Variants in ZNF215 observed in about 807,000 individuals in gnomAD.
ZNF215 encodes BWSCR2-associated zinc finger protein 2.
ZNF215 carries 24 observed loss-of-function variants against 27.2 expected under a neutral mutation model. The observed-to-expected ratio is 0.88, with a 90% CI of 0.64 to 1.24. ZNF215 has a LOEUF of 1.24. Among genes scored for constraint, ZNF215 ranks in the 50% most tolerant of loss-of-function variants. The probability of loss-of-function intolerance (pLI) is 0.00; values close to 1 mark genes in which losing one functional copy is unlikely to be tolerated. For missense variants in ZNF215, 675 were observed against 605.7 expected (o/e 1.11, Z -1.20); for synonymous variants, 210 against 204.0 (o/e 1.03, Z -0.25).
chr11:6,957,160 A>G lies in ZNF215; in HGVS notation c.*629A>G, dbSNP rs977600765. 1 of 985,326 alleles carries G rather than the reference A, an allele frequency of 1.0e-6. No homozygotes were observed. The highest frequency in any genetic ancestry group is 1.2e-6 in the Non-Finnish European group (1 of 829,950). 61.0% of individuals were successfully genotyped at this position (985,326 alleles called of 1,614,324 possible). ...GCTGTTAATCTATATGTATTCTTAAAATCTGCATTTGTTTATAGCAGGTCC... is the reference window on the plus strand; with the variant it reads ...GCTGTTAATCTATATGTATTCTTAAGATCTGCATTTGTTTATAGCAGGTCC... On this transcript the variant is annotated 3_prime_UTR_variant, in exon 7 of 7. Transcript: ENST00000278319.
At chr11:6,929,434 G>C (rs7121522) in intron 2 of ZNF215, among the ~76,000 whole-genome samples, 149,657 of 152,280 alleles carry the variant, frequency 0.98, 73,601 homozygotes, top group Middle Eastern at 1. Flanking sequence ...TTTTACTGAT[G>C]TAGAATCCAT....
Position 6,950,221 on chromosome 11 carries a change from T to C in ZNF215, c.713-5469T>C, listed in dbSNP as rs572884271. On this transcript the variant is annotated intron_variant, in intron 6 of 6. Coordinates refer to ENST00000278319, the MANE Select transcript of ZNF215 (RefSeq NM_013250.4). ...GGATTGACTTGGCGATGGGGCTCTT[T>C]TTTGGTTCCATATGAACTTTAAAGT... Among the ~76,000 whole-genome samples the C allele has an allele frequency of 2.1e-5, 3 of 144,548 alleles. 1 individual carries two copies. The highest frequency in any genetic ancestry group is 4.6e-5 in the Non-Finnish European group (3 of 64,748). 94.8% of individuals were successfully genotyped at this position (144,548 alleles called of 152,430 possible).
chr11:6,942,088 C>CA (rs778542584), intron 4 of ZNF215, among the ~76,000 whole-genome samples: 5 of 152,072 alleles, frequency 3.3e-5, no homozygotes, highest in African/African-American at 1.2e-4. Flanking sequence ...TTTAAAGGGT[C>CA]AAAATAATAC....
chr11:6,983,737 A>C (rs1851007861), intron 5 of ZNF215, among the ~76,000 whole-genome samples: 1 of 152,148 alleles, frequency 6.6e-6, no homozygotes, highest in African/African-American at 2.4e-5. Flanking sequence ...AATAAAACCA[A>C]AAATAAACTG....
intron 5 of ZNF215, among the ~76,000 whole-genome samples, chr11:6,975,760 C>G (rs1850821950): frequency 6.6e-6 from 1 of 152,106 alleles, no homozygotes; most frequent in Admixed American, 6.6e-5. Flanking sequence ...CTGATGGACA[C>G]TTAGGCTGAT....
chr11:6,975,751 T>C (rs569247969), intron 5 of ZNF215, among the ~76,000 whole-genome samples: 15 of 152,272 alleles, frequency 9.9e-5, no homozygotes, highest in African/African-American at 3.4e-4. Context: ...GTTCCTCTGC[T>C]GATGGACACT....
chr11:6,962,748 G>A (rs1850541851), downstream of ZNF215, among the ~76,000 whole-genome samples: 1 of 152,056 alleles, frequency 6.6e-6, no homozygotes, highest in Non-Finnish European at 1.5e-5. Context: ...TAATCAGGCA[G>A]AAATTCTGGA....
At chr11:6,933,331 A>T (rs1158992953) in intron 3 of ZNF215, among the ~76,000 whole-genome samples, 1 of 152,236 alleles carries the variant, frequency 6.6e-6, no homozygotes, top group Non-Finnish European at 1.5e-5. Context: ...TAATACTTTA[A>T]TTATGTGGCA....
intron 6 of ZNF215, among the ~76,000 whole-genome samples, chr11:6,952,678 C>G (rs564711699): frequency 2.0e-5 from 3 of 152,138 alleles, no homozygotes; most frequent in Non-Finnish European, 4.4e-5. Flanking sequence ...TGGGTCTTGA[C>G]TCTTTATCCA....
intron 3 of ZNF215, among the ~76,000 whole-genome samples, chr11:6,938,114 A>G (rs955265399): frequency 2.6e-5 from 4 of 152,184 alleles, no homozygotes; most frequent in Admixed American, 6.5e-5. Context: ...GTCCAATATC[A>G]GGAAAATATA....
At chr11:6,941,740 C>G in intron 4 of ZNF215, 87 bp downstream of exon 4, 4 of 1,378,076 alleles carry the variant, frequency 2.9e-6, no homozygotes, top group Non-Finnish European at 4.0e-6. Context: ...GAACTTGTGC[C>G]AAACATGGTT....
chr11:6,943,016 T>C (rs750998292), intron 4 of ZNF215, 67 bp from the exon 5 acceptor site: 7 of 1,566,914 alleles, frequency 4.5e-6, no homozygotes, highest in Non-Finnish European at 6.0e-6. Flanking sequence ...TTCCTTCAAA[T>C]CCATTCCTTC....
At chr11:6,961,285 T>C (rs1850512749), downstream of ZNF215, among the ~76,000 whole-genome samples, 1 of 152,114 alleles carries the variant, frequency 6.6e-6, no homozygotes, top group Non-Finnish European at 1.5e-5. Context: ...TATTCAGATC[T>C]AAGTCTCATT....
chr11:6,973,161 C>T (rs914170677), intron 5 of ZNF215, among the ~76,000 whole-genome samples: 1 of 152,108 alleles, frequency 6.6e-6, no homozygotes, highest in Non-Finnish European at 1.5e-5. Flanking sequence ...GTTTTCTGTC[C>T]TTGCAATAGT....
rs539682227 is a variant in ZNF215 at position 6,932,681 on chromosome 11, A to T, written c.400+9A>T. ...AATGCTTGAAGATGAAGGTAAGAAT[A>T]TAAAGAAATTAGAGGTAAAATACTT... On this transcript the variant is annotated intron_variant, in intron 3 of 6. Transcript: ENST00000278319. 6.3e-7 allele frequency: 1 copy of T among 1,589,280 alleles called. No individual in the cohort carries two copies. The highest frequency in any genetic ancestry group is 8.6e-7 in the Non-Finnish European group (1 of 1,168,912).
At chr11:6,946,215 A>C (rs942564001) in intron 6 of ZNF215, among the ~76,000 whole-genome samples, 1 of 152,152 alleles carries the variant, frequency 6.6e-6, no homozygotes, top group African/African-American at 2.4e-5. Context: ...TCTCAGCTCT[A>C]TTATTATTGC....
chr11:6,936,439 G>T (rs1849437806), intron 3 of ZNF215, among the ~76,000 whole-genome samples: 1 of 151,978 alleles, frequency 6.6e-6, no homozygotes, highest in Non-Finnish European at 1.5e-5. Context: ...ACTGACTGAA[G>T]AAGAAATAGA....
chr11:6,951,707 G>T (rs1159944311), intron 6 of ZNF215, among the ~76,000 whole-genome samples: 2 of 151,870 alleles, frequency 1.3e-5, no homozygotes, highest in African/African-American at 4.8e-5. Context: ...TTAATTTTTT[G>T]AAGGGTTTTT....
exon 6 of ZNF215, chr11:6,984,152 A>G (rs1023733617): frequency 2.3e-5 from 9 of 392,308 alleles, no homozygotes; most frequent in African/African-American, 8.8e-5. Flanking sequence ...CTTGTTGCCC[A>G]GGCTGGAGTA....
Sources: gnomAD v4.1 joint callset for allele counts (sites outside exome capture counted in the v4.1 genomes callset) on GRCh38, gnomAD v4.1.1 for gene constraint, MANE v1.5 for transcripts, NCBI Gene and HGNC (gene_info 2026-07-23, HGNC 2026-07-21) for gene names.